MEIS1: variants seen among roughly 807,000 people sequenced by gnomAD.
The protein encoded by MEIS1 is Meis homeobox 1.
MEIS1 carries 5 observed loss-of-function variants against 50.8 expected under a neutral mutation model. The ratio of observed to expected loss-of-function variants is 0.10; its 90% confidence interval spans 0.05 to 0.21. The LOEUF (loss-of-function observed/expected upper bound fraction) is 0.21. Among genes scored for constraint, MEIS1 ranks in the 10% least tolerant of loss-of-function variants. The pLI is 1.00. For synonymous variants in MEIS1, 176 were observed against 179.3 expected (o/e 0.98, Z 0.15); for missense variants, 318 against 517.3 (o/e 0.61, Z 3.74).
intron 7 of MEIS1, among the ~76,000 whole-genome samples, chr2:66,511,058 G>A (rs1257329546): frequency 4.0e-5 from 6 of 151,748 alleles, no homozygotes; most frequent in Non-Finnish European, 8.8e-5. Context: ...TAGCTCTTCC[G>A]TTTGGGCCCA....
chr2:66,446,633 G>T (rs1672154976), intron 6 of MEIS1, among the ~76,000 whole-genome samples: 1 of 152,236 alleles, frequency 6.6e-6, no homozygotes, highest in Non-Finnish European at 1.5e-5. Context: ...CTGGGCGAAG[G>T]CTGTCGGGCT....
chr2:66,538,929 C>T (rs1198747541), intron 8 of MEIS1, among the ~76,000 whole-genome samples: 1 of 152,100 alleles, frequency 6.6e-6, no homozygotes, highest in Non-Finnish European at 1.5e-5. Context: ...ACTCTGTCAA[C>T]CAGGCTGGAG....
intron 7 of MEIS1, among the ~76,000 whole-genome samples, chr2:66,484,944 A>G (rs758500952): frequency 2.6e-5 from 4 of 152,102 alleles, no homozygotes; most frequent in Non-Finnish European, 5.9e-5. Flanking sequence ...TCCTCATACT[A>G]CAGCCTAGGA....
chr2:66,464,804 C>T (rs1434325011), intron 7 of MEIS1, among the ~76,000 whole-genome samples: 3 of 152,180 alleles, frequency 2.0e-5, no homozygotes, highest in East Asian at 1.9e-4. Context: ...CCTGTGAATG[C>T]ACATACCTAT....
At chr2:66,554,554 A>C (rs1675004631) in intron 9 of MEIS1, among the ~76,000 whole-genome samples, 1 of 152,180 alleles carries the variant, frequency 6.6e-6, no homozygotes, top group Non-Finnish European at 1.5e-5. Context: ...AAATGCAGGG[A>C]CAGGTCGCTG....
At chr2:66,506,853 T>A (rs1441482283) in intron 7 of MEIS1, among the ~76,000 whole-genome samples, 1 of 152,164 alleles carries the variant, frequency 6.6e-6, no homozygotes, top group Non-Finnish European at 1.5e-5. Flanking sequence ...GGGTAGTTGT[T>A]ACATTTTTCC....
intron 2 of MEIS1, 157 bp from the exon 3 acceptor site, chr2:66,439,686 G>T (rs1386159403): frequency 1.3e-6 from 2 of 1,541,440 alleles, no homozygotes; most frequent in South Asian, 2.4e-5. Flanking sequence ...GCGGTCACCT[G>T]GGTCTGGGGG....
intron 7 of MEIS1, among the ~76,000 whole-genome samples, chr2:66,476,462 G>A (rs116706983): frequency 0.016 from 2,396 of 152,236 alleles, 64 homozygotes; most frequent in African/African-American, 0.054. Flanking sequence ...ACTGCATACC[G>A]GTCCTCTGCT....
At chr2:66,542,524 C>G (rs917224970) in intron 8 of MEIS1, among the ~76,000 whole-genome samples, 5 of 152,176 alleles carry the variant, frequency 3.3e-5, no homozygotes, top group African/African-American at 1.2e-4. Context: ...CCTCTGGTAC[C>G]TATTCCCATA....
intron 7 of MEIS1, among the ~76,000 whole-genome samples, chr2:66,478,679 A>G (rs538195690): frequency 6.6e-6 from 1 of 152,336 alleles, no homozygotes; most frequent in South Asian, 2.1e-4. Flanking sequence ...GAATGTAGCA[A>G]CCATGCTGGC....
At chr2:66,509,035 T>G (rs1393742622) in intron 7 of MEIS1, 2 of 471,316 alleles carry the variant, frequency 4.2e-6, no homozygotes, top group African/African-American at 4.0e-5. Flanking sequence ...GTTTGTTTAG[T>G]GATCTCAAAA....
At position 66,527,604 on chromosome 2, in the gene MEIS1, G is replaced by A. The variant is rs1430125300; in HGVS notation, c.888+15310G>A. Among the ~76,000 whole-genome samples the A allele has an allele frequency of 4.8e-5, 7 of 146,928 alleles. No individual in the cohort carries two copies. The South Asian group carries it at 1.1e-3, about 23-fold the overall frequency. On this transcript the variant is annotated intron_variant, in intron 8 of 12. Transcript: ENST00000272369. Reference sequence around the variant, plus strand: ...GCAGTAAAAGCAAGTGTGTGTGTGTGTGTGTGTGTGTGTGTGTGTGTGTGT... The same window carrying A: ...GCAGTAAAAGCAAGTGTGTGTGTGTATGTGTGTGTGTGTGTGTGTGTGTGT...
intron 7 of MEIS1, chr2:66,495,928 G>A (rs1277976882): frequency 1.3e-5 from 2 of 152,392 alleles, no homozygotes; most frequent in Non-Finnish European, 2.9e-5. Context: ...CAGCAAGAAG[G>A]AATTCTAGGC....
chr2:66,504,780 A>G (rs919610081), intron 7 of MEIS1, among the ~76,000 whole-genome samples: 1 of 152,244 alleles, frequency 6.6e-6, no homozygotes, highest in African/African-American at 2.4e-5. Context: ...AGCCTCTTCT[A>G]GAACTTAGCT....
intron 2 of MEIS1, 21 bp from the exon 3 acceptor site, chr2:66,439,822 G>A (rs1671909837): frequency 1.2e-6 from 2 of 1,610,832 alleles, no homozygotes; most frequent in African/African-American, 1.3e-5. Flanking sequence ...TGTTGTTTGT[G>A]ACTGTTGTAT....
At chr2:66,481,619 G>A (rs1245850912) in intron 7 of MEIS1, among the ~76,000 whole-genome samples, 1 of 152,124 alleles carries the variant, frequency 6.6e-6, no homozygotes, top group Non-Finnish European at 1.5e-5. Flanking sequence ...GGTACCTTGA[G>A]CATCTCTTTA....
chr2:66,465,478 C>T (rs547754442), intron 7 of MEIS1, among the ~76,000 whole-genome samples: 8 of 152,126 alleles, frequency 5.3e-5, no homozygotes, highest in African/African-American at 9.6e-5. Context: ...TGTGTTATGG[C>T]GTTGCTGTTC....
At chr2:66,509,743 A>G (rs1673778287) in intron 7 of MEIS1, among the ~76,000 whole-genome samples, 1 of 152,184 alleles carries the variant, frequency 6.6e-6, no homozygotes, top group African/African-American at 2.4e-5. Context: ...TGGAGTATAT[A>G]ATTCAGGTGC....
chr2:66,465,899 C>G (rs1464599798), intron 7 of MEIS1, among the ~76,000 whole-genome samples: 1 of 152,180 alleles, frequency 6.6e-6, no homozygotes, highest in East Asian at 1.9e-4. Flanking sequence ...CTTCCTTCAA[C>G]AAGTGTTCTC....
Sources: allele counts gnomAD v4.1 joint callset (sites outside exome capture counted in the v4.1 genomes callset), GRCh38; gene constraint gnomAD v4.1.1; transcripts MANE v1.5; gene names NCBI Gene and HGNC (gene_info 2026-07-23, HGNC 2026-07-21).